Variants in DIP2B observed in about 807,000 individuals in gnomAD.
DIP2B encodes DIP2 acetate--CoA ligase B (putative).
DIP2B carries 76 observed loss-of-function variants against 198.0 expected under a neutral mutation model. The observed-to-expected ratio is 0.38, with a 90% CI of 0.32 to 0.46. The LOEUF (loss-of-function observed/expected upper bound fraction) is 0.46. Ranked by LOEUF, DIP2B falls within the 20% of genes least tolerant of loss-of-function variation. The probability of loss-of-function intolerance (pLI) is 0.99; values close to 1 mark genes in which losing one functional copy is unlikely to be tolerated. For synonymous variants in DIP2B, 701 were observed against 739.1 expected (o/e 0.95, Z 0.84); for missense variants, 1,559 against 1,978.4 (o/e 0.79, Z 4.02).
At chr12:50,668,705 G>A (rs537503793) in intron 4 of DIP2B, among the ~76,000 whole-genome samples, 6 of 152,086 alleles carry the variant, frequency 3.9e-5, no homozygotes, top group Non-Finnish European at 1.5e-5. Flanking sequence ...AAATCCAATG[G>A]AGATTGTGGA....
intron 1 of DIP2B, among the ~76,000 whole-genome samples, chr12:50,553,946 G>T (rs7316864): frequency 0.59 from 90,260 of 151,894 alleles, 27,792 homozygotes; most frequent in Non-Finnish European, 0.69. Flanking sequence ...CAGCCTGTGC[G>T]CTTGGGCTGT....
intron 19 of DIP2B, among the ~76,000 whole-genome samples, chr12:50,699,485 G>C (rs1241114707): frequency 6.6e-6 from 1 of 152,140 alleles, no homozygotes; most frequent in African/African-American, 2.4e-5. Flanking sequence ...GTTTTATAAA[G>C]TGCTTAGAAA....
rs1179228865 is a variant in DIP2B at position 50,744,713 on chromosome 12, C to T, written c.4605C>T (p.Gly1535=). The change falls in exon 38 of 38, where the codon GGC becomes GGT. Residue 1535 remains glycine (G), a synonymous_variant. Transcript: ENST00000301180. ...TGGAAGAGCATTACCTCATCGTTGG[C>T]GTCGTGGTTGTGGTGGACCCAGGTG... is the stretch of plus-strand genomic sequence containing the variant. ...VVLEEHYLIV[G]VVVVVDPGVI... is the part of the protein sequence containing the mutation. The T allele has an allele frequency of 8.7e-6, 14 of 1,614,034 alleles. No homozygotes were observed. Among genetic ancestry groups the T allele is most frequent in the South Asian group, 3.3e-5 (3 of 91,084 alleles).
intron 2 of DIP2B, among the ~76,000 whole-genome samples, chr12:50,629,141 C>T (rs1416134184): frequency 1.3e-5 from 2 of 152,188 alleles, no homozygotes; most frequent in Non-Finnish European, 2.9e-5. Context: ...CTCGGCCTCC[C>T]AAAGTGCTGG....
At chr12:50,541,312 T>A (rs1305427120) in intron 1 of DIP2B, among the ~76,000 whole-genome samples, 1 of 152,006 alleles carries the variant, frequency 6.6e-6, no homozygotes, top group African/African-American at 2.4e-5. Context: ...ATTTTTTATC[T>A]AATATCAGTC....
chr12:50,717,359 CTTTTTTTTT>C (rs137945712), intron 23 of DIP2B, among the ~76,000 whole-genome samples: 5 of 46,866 alleles, frequency 1.1e-4, no homozygotes, highest in African/African-American at 4.0e-4. Flanking sequence ...CTCACTGCAG[CTTTTTTTTT>C]TTTTTTTTTT....
At chr12:50,576,234 T>C (rs781246549) in intron 1 of DIP2B, among the ~76,000 whole-genome samples, 14 of 151,820 alleles carry the variant, frequency 9.2e-5, no homozygotes, top group Middle Eastern at 6.8e-3. Context: ...CATGCCTGGC[T>C]AATTTTGTAT....
chr12:50,553,666 C>T (rs774729948), intron 1 of DIP2B, among the ~76,000 whole-genome samples: 7 of 152,058 alleles, frequency 4.6e-5, no homozygotes, highest in African/African-American at 9.7e-5. Context: ...TCTTTTGTTT[C>T]GTTCTGAGAC....
chr12:50,738,991 A>G (rs1592149724), intron 35 of DIP2B, among the ~76,000 whole-genome samples: 1 of 152,250 alleles, frequency 6.6e-6, no homozygotes, highest in Non-Finnish European at 1.5e-5. Context: ...GGGCTTCCAC[A>G]GTTATCCCGG....
chr12:50,680,418 A>G (rs953897117), intron 8 of DIP2B: 7 of 355,214 alleles, frequency 2.0e-5, no homozygotes, highest in African/African-American at 1.0e-4. Flanking sequence ...TTGAAATATT[A>G]TGTAAACCAG....
At chr12:50,598,545 G>A (rs566252528) in intron 1 of DIP2B, among the ~76,000 whole-genome samples, 58 of 151,620 alleles carry the variant, frequency 3.8e-4, no homozygotes, top group African/African-American at 1.3e-3. Context: ...CAAATTCCTC[G>A]TGACTGCCAC....
At chr12:50,744,382 A>T (rs1940310863) in intron 37 of DIP2B, among the ~76,000 whole-genome samples, 1 of 142,348 alleles carries the variant, frequency 7.0e-6, no homozygotes, top group African/African-American at 3.0e-5. Context: ...GATGTCTCTC[A>T]TATATATATA....
At chr12:50,560,715 C>T (rs1168789286) in intron 1 of DIP2B, among the ~76,000 whole-genome samples, 4 of 152,148 alleles carry the variant, frequency 2.6e-5, no homozygotes, top group East Asian at 1.9e-4. Context: ...TGCGCCACTG[C>T]GCTCCAGCCT....
At chr12:50,542,031 G>C (rs936851945) in intron 1 of DIP2B, among the ~76,000 whole-genome samples, 4 of 149,492 alleles carry the variant, frequency 2.7e-5, no homozygotes, top group African/African-American at 9.9e-5. Context: ...GGTGGCTCAC[G>C]CCTGTAATCC....
chr12:50,660,331 A>G lies in DIP2B; in HGVS notation c.427+12A>G. 6.3e-7 allele frequency: 1 copy of G among 1,594,130 alleles called. No individual in the cohort carries two copies. The highest frequency in any genetic ancestry group is 8.5e-7 in the Non-Finnish European group (1 of 1,172,278). ...CTGCACACCTCCTGGTAGGTTTATCAGAGCTTTTTCTCTCTGACAGTTAAT... is the reference window on the plus strand; with the variant it reads ...CTGCACACCTCCTGGTAGGTTTATCGGAGCTTTTTCTCTCTGACAGTTAAT... On this transcript the variant is annotated intron_variant, in intron 4 of 37. Coordinates refer to ENST00000301180, the MANE Select transcript of DIP2B (RefSeq NM_173602.3).
chr12:50,677,393 G>C (rs551418181), intron 7 of DIP2B, among the ~76,000 whole-genome samples: 1 of 152,012 alleles, frequency 6.6e-6, no homozygotes, highest in Non-Finnish European at 1.5e-5. Flanking sequence ...AGGCTGAGGC[G>C]AGTGGGAATT....
chr12:50,693,817 A>G (rs1475488492), intron 14 of DIP2B, among the ~76,000 whole-genome samples: 2 of 152,232 alleles, frequency 1.3e-5, no homozygotes, highest in Non-Finnish European at 2.9e-5. Context: ...CACCAGAGCT[A>G]GAAACTTGGA....
At chr12:50,653,789 C>T (rs1565859814) in intron 3 of DIP2B, among the ~76,000 whole-genome samples, 1 of 151,982 alleles carries the variant, frequency 6.6e-6, no homozygotes, top group Non-Finnish European at 1.5e-5. Flanking sequence ...AAAAAAACAA[C>T]TCATTTGTTG....
intron 10 of DIP2B, 47 bp downstream of exon 10, chr12:50,683,295 A>T (rs147199620): frequency 6.6e-7 from 1 of 1,504,704 alleles, no homozygotes; most frequent in African/African-American, 1.4e-5. Flanking sequence ...GTGACATGGC[A>T]GGCATTGGGT....
Sources: allele counts gnomAD v4.1 joint callset (sites outside exome capture counted in the v4.1 genomes callset), GRCh38; gene constraint gnomAD v4.1.1; transcripts MANE v1.5; gene names NCBI Gene and HGNC (gene_info 2026-07-23, HGNC 2026-07-21).